The following FMN1 variants were observed in gnomAD, a reference collection of about 807,000 sequenced individuals.
FMN1 encodes the protein formin-1.
In FMN1, 110 loss-of-function variants were observed where a neutral mutation model predicts 132.4. That is an observed-to-expected ratio of 0.83 (90% CI 0.71 to 0.97). The LOEUF is 0.97. Ranked by LOEUF, FMN1 falls within the 50% of genes least tolerant of loss-of-function variation. The pLI is 0.00. For synonymous variants in FMN1, 722 were observed against 651.7 expected (o/e 1.11, Z -1.64); for missense variants, 1,792 against 1,705.3 (o/e 1.05, Z -0.90).
chr15:33,066,156 G>T (rs1051115276), intron 5 of FMN1, among the ~76,000 whole-genome samples: 1 of 152,160 alleles, frequency 6.6e-6, no homozygotes, highest in Non-Finnish European at 1.5e-5. Flanking sequence ...TAATTAAGGG[G>T]TGAGGAAACC....
At chr15:32,985,095 T>TATTAGCA (rs750589145) in intron 7 of FMN1, among the ~76,000 whole-genome samples, 125 of 152,148 alleles carry the variant, frequency 8.2e-4, no homozygotes, top group Non-Finnish European at 1.7e-3. Flanking sequence ...GATTAGCAGT[T>TATTAGCA]ACTTATTATC....
chr15:33,045,145 G>A (rs1396932578), intron 6 of FMN1, among the ~76,000 whole-genome samples: 1 of 152,224 alleles, frequency 6.6e-6, no homozygotes, highest in African/African-American at 2.4e-5. Flanking sequence ...TGCCAGCCGT[G>A]GAAGCTGCTT....
rs1391346504 is a variant in FMN1, at chr15:33,164,937, A to T, written c.-131-9892T>A. ...TTTATCATTTCTTTGCATTACAAAC[A>T]TTCCAGCTATACTGTTTTAGTTATT... On this transcript the variant is annotated intron_variant, in intron 3 of 20. Coordinates refer to ENST00000616417, the MANE Select transcript of FMN1 (RefSeq NM_001277313.2). 2.0e-5 allele frequency among the ~76,000 whole-genome samples: 3 copies of T among 152,250 alleles called. No homozygotes were observed. The East Asian group carries it at 5.8e-4, about 29-fold the overall frequency.
intron 6 of FMN1, among the ~76,000 whole-genome samples, chr15:33,017,210 A>G (rs2140992856): frequency 6.6e-6 from 1 of 152,208 alleles, no homozygotes; most frequent in East Asian, 1.9e-4. Context: ...GGTTTTTAGG[A>G]CAGTGCAACT....
intron 4 of FMN1, among the ~76,000 whole-genome samples, chr15:33,119,629 G>A (rs577937149): frequency 9.9e-5 from 15 of 152,216 alleles, no homozygotes; most frequent in Admixed American, 8.5e-4. Flanking sequence ...TCTCTTTCAA[G>A]GGATAGAAGT....
At chr15:32,903,557 G>T (rs930958203) in intron 12 of FMN1, among the ~76,000 whole-genome samples, 2 of 152,136 alleles carry the variant, frequency 1.3e-5, no homozygotes, top group African/African-American at 4.8e-5. Context: ...CCCATGAGGC[G>T]TCATTCAGGA....
At chr15:32,997,262 T>C (rs2033825471) in intron 7 of FMN1, among the ~76,000 whole-genome samples, 1 of 151,266 alleles carries the variant, frequency 6.6e-6, no homozygotes, top group Admixed American at 6.6e-5. Flanking sequence ...CTGAAACCAG[T>C]GAAATAAAAG....
chr15:33,066,769 G>T (rs772572707), intron 5 of FMN1: 1 of 1,613,964 alleles, frequency 6.2e-7, no homozygotes, highest in Non-Finnish European at 8.5e-7. Context: ...CAGCATTGCA[G>T]CCCATCTCTT....
At position 32,798,880 on chromosome 15, in the gene FMN1, A is replaced by T; in HGVS notation, c.4054T>A (p.Phe1352Ile). ...GEKEITPSYVFMVWYEFCSDF... is the reference protein window; with the variant it reads ...GEKEITPSYVIMVWYEFCSDF... The stretch of plus-strand genomic sequence containing the variant: ...CTGCAGAACTCATACCACACCATAA[A>T]CACGTAGCTGGGTGTGATCTCCTTC... The change falls in exon 19 of 21, where the codon TTT becomes ATT. Residue 1352 changes from phenylalanine (F) to isoleucine (I), a missense_variant. Phe to Ile is a conservative substitution (Grantham distance 21). Around this residue, in one of 3 missense-constraint regions of FMN1, gnomAD observed 1,150 missense variants for 1,043.1 expected, o/e 1.10. Coordinates refer to ENST00000616417, the MANE Select transcript of FMN1 (RefSeq NM_001277313.2). The T allele has an allele frequency of 6.2e-7, 1 of 1,613,426 alleles. No homozygotes were observed. The highest frequency in any genetic ancestry group is 8.5e-7 in the Non-Finnish European group (1 of 1,179,558).
Position 32,949,436 on chromosome 15 carries a change from A to G in FMN1, c.3138+14671T>C, listed in dbSNP as rs538065032. Among the ~76,000 whole-genome samples the G allele has an allele frequency of 2.1e-4, 32 of 152,320 alleles. No individual in the cohort carries two copies. In the South Asian group the frequency reaches 6.6e-3, roughly 32 times the overall value. Reference sequence around the variant, plus strand: ...TATCTGACCTTTGACAAACTTGACAAAAACAAGCAATAGAGAAAGAATTCC... The same window carrying G: ...TATCTGACCTTTGACAAACTTGACAGAAACAAGCAATAGAGAAAGAATTCC... On this transcript the variant is annotated intron_variant, in intron 9 of 20. Coordinates refer to ENST00000616417, the MANE Select transcript of FMN1 (RefSeq NM_001277313.2).
chr15:32,994,118 A>T (rs913644896), intron 7 of FMN1, among the ~76,000 whole-genome samples: 1 of 152,006 alleles, frequency 6.6e-6, no homozygotes, highest in African/African-American at 2.4e-5. Flanking sequence ...TAGCATATTA[A>T]CATATCAATT....
At chr15:33,108,883 G>GT (rs1177511783) in intron 4 of FMN1, among the ~76,000 whole-genome samples, 5 of 152,088 alleles carry the variant, frequency 3.3e-5, no homozygotes, top group Non-Finnish European at 7.4e-5. Context: ...TTTGGCCTCT[G>GT]TCAGTGACCT....
chr15:33,072,737 A>C (rs2038045331), intron 5 of FMN1, among the ~76,000 whole-genome samples: 1 of 152,180 alleles, frequency 6.6e-6, no homozygotes, highest in Admixed American at 6.5e-5. Flanking sequence ...AGCCTGGCCA[A>C]CATGGCGAAA....
chr15:32,842,638 A>G (rs2058768844), intron 17 of FMN1, among the ~76,000 whole-genome samples: 1 of 152,338 alleles, frequency 6.6e-6, no homozygotes, highest in Admixed American at 6.5e-5. Flanking sequence ...TAAACTAATA[A>G]TACGTAAAAG....
chr15:32,854,961 A>C (rs1477818335), intron 17 of FMN1, among the ~76,000 whole-genome samples: 1 of 151,798 alleles, frequency 6.6e-6, no homozygotes, highest in Non-Finnish European at 1.5e-5. Context: ...CGTTGTATTC[A>C]ATTATAGATC....
At chr15:33,132,163 G>C (rs1376744172) in intron 4 of FMN1, among the ~76,000 whole-genome samples, 1 of 152,002 alleles carries the variant, frequency 6.6e-6, no homozygotes, top group Non-Finnish European at 1.5e-5. Context: ...TAAGTCCTCA[G>C]CTTGTCTCCC....
chr15:32,915,026 A>G (rs2060651125), intron 10 of FMN1, among the ~76,000 whole-genome samples: 2 of 152,254 alleles, frequency 1.3e-5, no homozygotes, highest in Admixed American at 6.5e-5. Context: ...TCTAAAAAGT[A>G]AAAGAAAATT....
At chr15:32,902,064 C>T (rs755015005) in intron 12 of FMN1, 24 bp from the exon 13 acceptor site, 1 of 1,598,248 alleles carries the variant, frequency 6.3e-7, no homozygotes, top group South Asian at 1.1e-5. Context: ...AATGTGTCAT[C>T]TACCTTCACA....
chr15:32,811,517 G>A (rs768195826), intron 17 of FMN1, among the ~76,000 whole-genome samples: 8 of 151,330 alleles, frequency 5.3e-5, no homozygotes, highest in East Asian at 1.9e-4. Flanking sequence ...ACTCTGAAGA[G>A]GTCTTCAGAG....
Sources: allele counts gnomAD v4.1 joint callset (sites outside exome capture counted in the v4.1 genomes callset), GRCh38; gene constraint gnomAD v4.1.1; regional missense constraint gnomAD v4.1.1; transcripts MANE v1.5; gene names NCBI Gene and HGNC (gene_info 2026-07-23, HGNC 2026-07-21).